The following ARRDC5 variants were observed in gnomAD, a reference collection of about 807,000 sequenced individuals.
The protein encoded by ARRDC5 is arrestin domain containing 5.
A neutral mutation model predicts 13.3 loss-of-function variants in ARRDC5; 12 were observed. That is an observed-to-expected ratio of 0.90 (90% CI 0.58 to 1.46). The LOEUF (loss-of-function observed/expected upper bound fraction) is 1.46, where lower values mean the gene tolerates loss of function less well. Ranked by LOEUF, ARRDC5 falls within the 40% of genes most tolerant of loss-of-function variation. The pLI is 0.00. For missense variants in ARRDC5, 406 were observed against 418.7 expected (o/e 0.97, Z 0.26); for synonymous variants, 181 against 173.4 (o/e 1.04, Z -0.34).
At chr19:4,894,709 AAGGAGAAGG>A (rs2146245835) in intron 2 of ARRDC5, among the ~76,000 whole-genome samples, 1 of 144,158 alleles carries the variant, frequency 6.9e-6, no homozygotes, top group East Asian at 2.2e-4. Flanking sequence ...GAAGAAGGAG[AAGGAGAAGG>A]AGAAGAAGAA....
At chr19:4,896,329 A>AAAAATATAT (rs1371235915) in intron 2 of ARRDC5, among the ~76,000 whole-genome samples, 4 of 73,390 alleles carry the variant, frequency 5.5e-5, no homozygotes, top group African/African-American at 2.3e-4. Flanking sequence ...AAAAAAAAAA[A>AAAAATATAT]ATATATATAT....
At chr19:4,899,053 T>C (rs1338352189) in intron 1 of ARRDC5, among the ~76,000 whole-genome samples, 1 of 151,922 alleles carries the variant, frequency 6.6e-6, no homozygotes, top group African/African-American at 2.4e-5. Flanking sequence ...CTCACACTTG[T>C]CATCCCAGCA....
At chr19:4,896,405 C>CACACACACAT (rs539564532) in intron 2 of ARRDC5, among the ~76,000 whole-genome samples, 2 of 106,366 alleles carry the variant, frequency 1.9e-5, no homozygotes, top group African/African-American at 8.0e-5. Flanking sequence ...CACACACACA[C>CACACACACAT]ATATATATAA....
At chr19:4,906,731 C>G (rs2032071382), upstream of ARRDC5, among the ~76,000 whole-genome samples, 1 of 152,040 alleles carries the variant, frequency 6.6e-6, no homozygotes, top group African/African-American at 2.4e-5. Flanking sequence ...GCAGGCTGGG[C>G]ACCAAAGCAA....
chr19:4,910,283 GA>G, the ARRDC5 span: 1 of 149,386 alleles, frequency 6.7e-6, no homozygotes, highest in African/African-American at 2.4e-5. Context: ...GGGTGGCCGG[GA>G]CGGGGCGGCC....
Position 4,896,759 on chromosome 19 carries a change from C to A in ARRDC5, c.371G>T (p.Cys124Phe), listed in dbSNP as rs553837004. The change falls in exon 2 of 3, where the codon TGC becomes TTC. Residue 124 changes from cysteine (C) to phenylalanine (F), a missense_variant. Coordinates refer to ENST00000650722, the MANE Select transcript of ARRDC5 (RefSeq NM_001080523.3). ...GHVFYFVQAS[C>F]MGREHILAKK... The stretch of plus-strand genomic sequence containing the variant: ...GGCTAAAATGTGTTCCCTGCCCATG[C>A]AGGAAGCTTGTACGAAATAGAAGAC... The A allele has an allele frequency of 5.6e-6, 9 of 1,613,612 alleles. No individual in the cohort carries two copies. The East Asian group carries it at 1.8e-4, about 32-fold the overall frequency.
upstream of ARRDC5, among the ~76,000 whole-genome samples, chr19:4,907,704 CTTTTTTT>C (rs59867968): frequency 4.0e-4 from 19 of 47,672 alleles, no homozygotes; most frequent in Admixed American, 1.3e-3. Flanking sequence ...TTGGCCTGAT[CTTTTTTT>C]TTTTTTTTTT....
chr19:4,907,869 C>T (rs747097600), upstream of ARRDC5, among the ~76,000 whole-genome samples: 10 of 151,972 alleles, frequency 6.6e-5, no homozygotes, highest in Non-Finnish European at 1.5e-4. Flanking sequence ...TGTGCCACCA[C>T]GCCAGGCTAA....
At chr19:4,916,037 T>C in the ARRDC5 span, among the ~76,000 whole-genome samples, 3 of 152,014 alleles carry the variant, frequency 2.0e-5, no homozygotes, top group Non-Finnish European at 4.4e-5. Context: ...AGGCCAGGCA[T>C]GGTAGCTCAC....
In ARRDC5 at chr19:4,898,373, T is replaced by A. The variant is rs559944221; in HGVS notation, c.254-1497A>T. Among the ~76,000 whole-genome samples the A allele has an allele frequency of 5.1e-4, 77 of 152,118 alleles. No homozygotes were observed. In the South Asian group the frequency reaches 0.015, roughly 30 times the overall value. On this transcript the variant is annotated intron_variant, in intron 1 of 2. Transcript: ENST00000650722. ...ACCCTGTCTCTTTCTTTCTTTTTTG[T>A]TTTTTTGAGACAGAATCTCACTCTG...
At chr19:4,909,743 C>T in the ARRDC5 span, 1 of 488,244 alleles carries the variant, frequency 2.0e-6, no homozygotes, top group East Asian at 3.6e-5. Flanking sequence ...GCGGCCAGCC[C>T]GGGCGCACGC....
the ARRDC5 span, chr19:4,909,788 C>T: frequency 1.1e-5 from 5 of 455,414 alleles, no homozygotes; most frequent in Admixed American, 4.4e-5. Context: ...CCAGGGCCTC[C>T]CCTTCCACCT....
rs1217500792 is a variant in ARRDC5, at chr19:4,899,764, C to CA, written c.253+2808dup. ...TTAACACGGTGAAACCCCGTCTCTA[C>CA]AAAAAAAAAAAAAAAAAAAAAAAAA... is the stretch of plus-strand genomic sequence containing the variant. On this transcript the variant is annotated intron_variant, in intron 1 of 2. Transcript: ENST00000650722. Among the ~76,000 whole-genome samples, 587 of 67,930 alleles carry CA rather than the reference C, an allele frequency of 8.6e-3. 19 individuals carry two copies. Among genetic ancestry groups the CA allele is most frequent in the Admixed American group, 0.023 (163 of 7,020 alleles). The allele number at this position is 67,930 out of a possible 152,430, so 44.6% of individuals were successfully genotyped here.
Position 4,891,235 on chromosome 19 carries a change from G to A in ARRDC5, c.798C>T (p.Ser266=). Residue 266 remains serine, a synonymous_variant, in exon 3 of 3, where the codon AGC becomes AGT. Transcript: ENST00000650722. The part of the protein sequence containing the change: ...TFNLPLLLSV[S]SSTQDGEIMH... ...TGATCTCACCGTCCTGCGTGCTGCTGCTCACGGACAGCAGCAACGGCAGGT... is the reference window on the plus strand; with the variant it reads ...TGATCTCACCGTCCTGCGTGCTGCTACTCACGGACAGCAGCAACGGCAGGT... 6.2e-7 allele frequency: 1 copy of A among 1,613,872 alleles called. No individual in the cohort carries two copies. Among genetic ancestry groups the A allele is most frequent in the Non-Finnish European group, 8.5e-7 (1 of 1,179,846 alleles).
At chr19:4,907,801 C>G (rs1380936913), upstream of ARRDC5, among the ~76,000 whole-genome samples, 3 of 148,562 alleles carry the variant, frequency 2.0e-5, no homozygotes, top group Non-Finnish European at 4.5e-5. Flanking sequence ...CAACCTCTGC[C>G]TCCTGGGTTC....
chr19:4,900,393 C>T lies in ARRDC5; in HGVS notation c.253+2180G>A, dbSNP rs1304881449. Among the ~76,000 whole-genome samples the T allele has an allele frequency of 2.0e-5, 3 of 152,128 alleles. No homozygotes were observed. The South Asian group carries it at 6.2e-4, about 32-fold the overall frequency. On this transcript the variant is annotated intron_variant, in intron 1 of 2. Transcript: ENST00000650722. ...TTGGCCTCCCAAAGTGCTGGGATAA[C>T]ACGTGTGAGCCACTGTGCCTGGCCA...
the ARRDC5 span, among the ~76,000 whole-genome samples, chr19:4,909,001 G>C: frequency 6.6e-6 from 1 of 152,164 alleles, no homozygotes; most frequent in Non-Finnish European, 1.5e-5. Flanking sequence ...CAAGCCCTGC[G>C]GGTGGGTAGA....
chr19:4,904,168 T>C (rs910760710), upstream of ARRDC5, among the ~76,000 whole-genome samples: 2 of 150,136 alleles, frequency 1.3e-5, no homozygotes, highest in African/African-American at 2.5e-5. Flanking sequence ...ATTTTTGTTC[T>C]TTTTGTTTTT....
At chr19:4,895,422 C>CAAAAAAAAAAAAAAAA (rs1039157516) in intron 2 of ARRDC5, among the ~76,000 whole-genome samples, 9 of 70,690 alleles carry the variant, frequency 1.3e-4, no homozygotes, top group Non-Finnish European at 1.7e-4. Flanking sequence ...GACTCCGTCT[C>CAAAAAAAAAAAAAAAA]AAAAAAAAAA....
Sources: allele counts gnomAD v4.1 joint callset (sites outside exome capture counted in the v4.1 genomes callset), GRCh38; gene constraint gnomAD v4.1.1; transcripts MANE v1.5; gene names NCBI Gene and HGNC (gene_info 2026-07-23, HGNC 2026-07-21).